GRIA4: variants seen among roughly 807,000 people sequenced by gnomAD.
GRIA4 encodes glutamate ionotropic receptor AMPA type subunit 4, also known as glutamate receptor 4.
GRIA4 carries 34 observed loss-of-function variants against 104.0 expected under a neutral mutation model. The ratio of observed to expected loss-of-function variants is 0.33; its 90% CI spans 0.25 to 0.44. GRIA4 has a LOEUF of 0.44. GRIA4 is among the 20% of genes least tolerant of loss of function. The pLI is 1.00. For synonymous variants in GRIA4, 386 were observed against 381.9 expected, an observed-to-expected ratio of 1.01 and a Z score of -0.13; for missense variants, 750 against 1,096.5, an observed-to-expected ratio of 0.68 and a Z score of 4.46.
At chr11:105,794,520 C>CACATAT (rs1942396911) in intron 4 of GRIA4, among the ~76,000 whole-genome samples, 2 of 94,214 alleles carry the variant, frequency 2.1e-5, no homozygotes, top group African/African-American at 4.0e-5. Flanking sequence ...TATACATATA[C>CACATAT]ACACACACAC....
At chr11:105,827,333 T>C (rs1247749417) in intron 4 of GRIA4, among the ~76,000 whole-genome samples, 1 of 152,014 alleles carries the variant, frequency 6.6e-6, no homozygotes, top group Non-Finnish European at 1.5e-5. Flanking sequence ...GACATTACTT[T>C]AGTGGAGATT....
intron 5 of GRIA4, among the ~76,000 whole-genome samples, chr11:105,870,319 A>G (rs1427182715): frequency 2.0e-5 from 3 of 151,742 alleles, no homozygotes; most frequent in African/African-American, 4.8e-5. Context: ...CAAGAGAAAC[A>G]AATTTTCTTG....
intron 3 of GRIA4, among the ~76,000 whole-genome samples, chr11:105,714,212 ATAT>A (rs1224442016): frequency 1.3e-5 from 2 of 151,408 alleles, no homozygotes; most frequent in Non-Finnish European, 2.9e-5. Flanking sequence ...TTAAACTAAA[ATAT>A]TATAAAAATT....
chr11:105,678,906 T>C (rs1952624936), intron 3 of GRIA4, among the ~76,000 whole-genome samples: 1 of 152,116 alleles, frequency 6.6e-6, no homozygotes, highest in South Asian at 2.1e-4. Context: ...TTATAGTTAA[T>C]TTTCCCCCTG....
At chr11:105,798,054 C>A (rs1942563218) in intron 4 of GRIA4, 1 of 318,308 alleles carries the variant, frequency 3.1e-6, no homozygotes, top group Non-Finnish European at 6.3e-6. Flanking sequence ...AAATCAATAA[C>A]AATATGCATA....
intron 4 of GRIA4, among the ~76,000 whole-genome samples, chr11:105,827,301 T>C (rs936115943): frequency 1.2e-4 from 19 of 152,042 alleles, no homozygotes; most frequent in African/African-American, 4.6e-4. Context: ...ATTTGTTATA[T>C]ATGATACAAT....
intron 10 of GRIA4, among the ~76,000 whole-genome samples, chr11:105,914,395 T>C (rs896312128): frequency 1.3e-5 from 2 of 152,068 alleles, no homozygotes; most frequent in African/African-American, 4.8e-5. Context: ...TCAATAGTAA[T>C]TGTAATAATT....
At chr11:105,873,648 T>C (rs996410042) in intron 5 of GRIA4, among the ~76,000 whole-genome samples, 1 of 152,212 alleles carries the variant, frequency 6.6e-6, no homozygotes, top group Non-Finnish European at 1.5e-5. Flanking sequence ...ATTGTGGTTT[T>C]GATTTGCATT....
At chr11:105,967,814 A>G (rs1858467566) in intron 14 of GRIA4, among the ~76,000 whole-genome samples, 1 of 152,122 alleles carries the variant, frequency 6.6e-6, no homozygotes, top group Non-Finnish European at 1.5e-5. Context: ...GTCATACAAG[A>G]TGATATTTTA....
intron 4 of GRIA4, among the ~76,000 whole-genome samples, chr11:105,777,003 G>C (rs924529884): frequency 6.6e-6 from 1 of 152,134 alleles, no homozygotes; most frequent in Non-Finnish European, 1.5e-5. Context: ...TTTATCCAGG[G>C]AGAAGAGTGT....
At chr11:105,660,884 GACTT>G (rs1316910204) in intron 3 of GRIA4, among the ~76,000 whole-genome samples, 1 of 151,532 alleles carries the variant, frequency 6.6e-6, no homozygotes, top group Non-Finnish European at 1.5e-5. Flanking sequence ...ACGTAAACAT[GACTT>G]ACTTATTTTC....
At chr11:105,919,058 T>G in intron 11 of GRIA4, 140 bp downstream of exon 11, 1 of 587,976 alleles carries the variant, frequency 1.7e-6, no homozygotes, top group South Asian at 2.2e-5. Flanking sequence ...GTTTAAATCT[T>G]TCTCTATTTT....
At chr11:105,668,771 T>A (rs968103038) in intron 3 of GRIA4, among the ~76,000 whole-genome samples, 1 of 151,696 alleles carries the variant, frequency 6.6e-6, no homozygotes, top group Non-Finnish European at 1.5e-5. Flanking sequence ...CATTTGCCTT[T>A]TCACTCTACT....
intron 3 of GRIA4, among the ~76,000 whole-genome samples, chr11:105,677,007 T>A (rs1463327159): frequency 6.6e-6 from 1 of 151,830 alleles, no homozygotes; most frequent in African/African-American, 2.4e-5. Context: ...GCATTCCATT[T>A]GCATAATTCA....
chr11:105,979,845 G>C lies in GRIA4; in HGVS notation c.*106G>C, dbSNP rs546579818. ...GGGTCTTTGCTAAACCAATCCTTTG[G>C]CTGAGAGCGGGAAGTCCGTCCTAAC... On this transcript the variant is annotated 3_prime_UTR_variant, in exon 17 of 17. Transcript: ENST00000282499. 1 of 777,856 alleles carries C rather than the reference G, an allele frequency of 1.3e-6. No individual in the cohort carries two copies. The highest frequency in any genetic ancestry group is 1.8e-5 in the South Asian group (1 of 55,052). The allele number at this position is 777,856 out of a possible 1,614,324, so 48.2% of individuals were successfully genotyped here.
intron 3 of GRIA4, among the ~76,000 whole-genome samples, chr11:105,724,314 T>C (rs1039051531): frequency 2.3e-5 from 3 of 127,662 alleles, no homozygotes; most frequent in Non-Finnish European, 3.5e-5. Context: ...ATTAGATAAA[T>C]AAAATGTGAC....
chr11:105,774,865 T>A (rs1483133827), intron 4 of GRIA4, among the ~76,000 whole-genome samples: 1 of 152,146 alleles, frequency 6.6e-6, no homozygotes, highest in Non-Finnish European at 1.5e-5. Flanking sequence ...ATTATCAATA[T>A]ATATTAGTTT....
chr11:105,810,169 C>G (rs1458420762), intron 4 of GRIA4, among the ~76,000 whole-genome samples: 1 of 152,120 alleles, frequency 6.6e-6, no homozygotes, highest in Non-Finnish European at 1.5e-5. Context: ...TACTTAAGGT[C>G]TCCATGTTAG....
intron 3 of GRIA4, among the ~76,000 whole-genome samples, chr11:105,691,897 C>T (rs1206637781): frequency 7.2e-6 from 1 of 138,762 alleles, no homozygotes; most frequent in South Asian, 2.3e-4. Flanking sequence ...ATGGTGCCAT[C>T]GCACTGTAGC....
Sources: gnomAD v4.1 joint callset for allele counts (sites outside exome capture counted in the v4.1 genomes callset) on GRCh38, gnomAD v4.1.1 for gene constraint, MANE v1.5 for transcripts, NCBI Gene and HGNC (gene_info 2026-07-23, HGNC 2026-07-21) for gene names.